The following RPTOR variants were observed in gnomAD, a reference collection of about 807,000 sequenced individuals.
RPTOR encodes the protein regulatory-associated protein of mTOR.
In RPTOR, 21 loss-of-function variants were observed where a neutral mutation model predicts 169.9. That is an observed-to-expected ratio of 0.12 (90% CI 0.09 to 0.18). The LOEUF is 0.18. RPTOR is among the 10% of genes least tolerant of loss of function. The pLI is 1.00. For synonymous variants in RPTOR, 732 were observed against 753.2 expected (o/e 0.97, Z 0.46); for missense variants, 1,133 against 1,855.9 (o/e 0.61, Z 7.16).
chr17:80,944,793 C>T (rs1478265108), intron 25 of RPTOR, among the ~76,000 whole-genome samples: 2 of 152,144 alleles, frequency 1.3e-5, no homozygotes, highest in Non-Finnish European at 2.9e-5. Context: ...GAGTTTGAGA[C>T]CAGCCTGGCC....
intron 1 of RPTOR, among the ~76,000 whole-genome samples, chr17:80,581,048 C>G (rs2065009215): frequency 6.6e-6 from 1 of 152,130 alleles, no homozygotes; most frequent in African/African-American, 2.4e-5. Context: ...GTGATTGAAC[C>G]TTTCCTATTC....
intron 5 of RPTOR, among the ~76,000 whole-genome samples, chr17:80,739,187 C>CA (rs531050067): frequency 4.0e-5 from 6 of 151,286 alleles, no homozygotes; most frequent in African/African-American, 1.2e-4. Flanking sequence ...CGCCCCGACG[C>CA]GGAGGCAGAT....
intron 3 of RPTOR, among the ~76,000 whole-genome samples, chr17:80,690,282 T>C (rs2065979707): frequency 6.6e-6 from 1 of 152,044 alleles, no homozygotes; most frequent in Non-Finnish European, 1.5e-5. Context: ...TGTCAATATT[T>C]CTGAAAGAAA....
chr17:80,908,808 C>A lies in RPTOR; in HGVS notation c.2402-3C>A. 1 of 1,607,088 alleles carries A rather than the reference C, an allele frequency of 6.2e-7. No individual in the cohort carries two copies. Among genetic ancestry groups the A allele is most frequent in the Non-Finnish European group, 8.5e-7 (1 of 1,173,658 alleles). ...TAAAACATCTTCCATTTCTCTCTCT[C>A]AGGAGTTTCCTTTAACAGTGTTTAC... On this transcript the variant is annotated splice_region_variant and splice_polypyrimidine_tract_variant and intron_variant, in intron 20 of 33. Transcript: ENST00000306801.
intron 3 of RPTOR, among the ~76,000 whole-genome samples, chr17:80,697,847 G>A (rs1439382860): frequency 1.3e-5 from 2 of 152,276 alleles, no homozygotes; most frequent in East Asian, 3.9e-4. Context: ...CTTGGAGAGG[G>A]GTCATTTTGG....
At chr17:80,800,763 G>A (rs1467693963) in intron 7 of RPTOR, among the ~76,000 whole-genome samples, 2 of 152,212 alleles carry the variant, frequency 1.3e-5, no homozygotes, top group African/African-American at 4.8e-5. Flanking sequence ...AAATATTAGG[G>A]TTTTCAGAAA....
At chr17:80,634,857 CGTGTGT>C (rs67330071) in intron 2 of RPTOR, among the ~76,000 whole-genome samples, 1 of 114,532 alleles carries the variant, frequency 8.7e-6, no homozygotes, top group African/African-American at 3.4e-5. Flanking sequence ...GTGTGCATAC[CGTGTGT>C]GTGTGCATAC....
chr17:80,888,617 A>T (rs1230901047), intron 17 of RPTOR, among the ~76,000 whole-genome samples: 3 of 152,198 alleles, frequency 2.0e-5, no homozygotes, highest in African/African-American at 7.2e-5. Flanking sequence ...GGGGCAGGAC[A>T]TGTGTCCAAG....
chr17:80,550,018 G>C (rs1383800951), intron 1 of RPTOR, among the ~76,000 whole-genome samples: 1 of 152,230 alleles, frequency 6.6e-6, no homozygotes. Flanking sequence ...CCAGGTCATG[G>C]AGGAAGCAGA....
intron 1 of RPTOR, among the ~76,000 whole-genome samples, chr17:80,574,018 G>A (rs1009536038): frequency 4.6e-5 from 7 of 152,186 alleles, no homozygotes; most frequent in Non-Finnish European, 7.3e-5. Flanking sequence ...CCGAGAGTTC[G>A]TGTCCAGGTT....
intron 7 of RPTOR, among the ~76,000 whole-genome samples, chr17:80,814,394 G>A (rs1340929043): frequency 6.6e-6 from 1 of 152,080 alleles, no homozygotes; most frequent in Non-Finnish European, 1.5e-5. Context: ...GTGTATTCTT[G>A]GGTATTTTTT....
intron 11 of RPTOR, among the ~76,000 whole-genome samples, chr17:80,848,789 A>G (rs2589153): frequency 0.9 from 137,623 of 152,348 alleles, 62,302 homozygotes; most frequent in African/African-American, 0.95. Context: ...TTTTGGGTCC[A>G]GCAAATAATC....
Position 80,961,463 on chromosome 17 carries a change from C to A in RPTOR, c.3675C>A (p.Gly1225=). The change falls in exon 31 of 34, where the codon GGC becomes GGA. Residue 1225 remains glycine (G), a synonymous_variant. Coordinates refer to ENST00000306801, the MANE Select transcript of RPTOR (RefSeq NM_020761.3). The stretch of plus-strand genomic sequence containing the variant: ...CCTCCCTGCAGAAGCGTCCCGACGG[C>A]CACATCGTGAGTGTGAGGTGAGGAG... ...VKASLQKRPD[G]HIVSVSVNGD... is the part of the protein sequence containing the mutation. 1 of 1,550,946 alleles carries A rather than the reference C, an allele frequency of 6.4e-7. No individual in the cohort carries two copies. Among genetic ancestry groups the A allele is most frequent in the Non-Finnish European group, 8.7e-7 (1 of 1,147,418 alleles).
At chr17:80,736,137 C>A (rs750361300) in intron 5 of RPTOR, among the ~76,000 whole-genome samples, 3 of 151,982 alleles carry the variant, frequency 2.0e-5, no homozygotes, top group Admixed American at 6.6e-5. Flanking sequence ...TGCCACTGCA[C>A]CTCAGCCTAG....
intron 3 of RPTOR, among the ~76,000 whole-genome samples, chr17:80,692,158 C>G (rs1020020794): frequency 6.6e-6 from 1 of 152,212 alleles, no homozygotes; most frequent in African/African-American, 2.4e-5. Flanking sequence ...GTGGCCCAGG[C>G]TGGAGTACAG....
intron 21 of RPTOR, among the ~76,000 whole-genome samples, chr17:80,913,445 G>A (rs1317046736): frequency 1.3e-5 from 2 of 152,028 alleles, no homozygotes; most frequent in Middle Eastern, 3.4e-3. Context: ...TTTAGTTTTG[G>A]GGGTGTTGTT....
At chr17:80,873,120 A>T (rs1254439844) in intron 13 of RPTOR, among the ~76,000 whole-genome samples, 1 of 152,106 alleles carries the variant, frequency 6.6e-6, no homozygotes, top group Admixed American at 6.5e-5. Context: ...CACAGTTTTG[A>T]CCTGAGGTCA....
At chr17:80,551,100 G>C (rs1339388524) in intron 1 of RPTOR, among the ~76,000 whole-genome samples, 1 of 152,064 alleles carries the variant, frequency 6.6e-6, no homozygotes, top group Non-Finnish European at 1.5e-5. Flanking sequence ...TGTTGGCCAG[G>C]CTGGTCTTGA....
intron 8 of RPTOR, among the ~76,000 whole-genome samples, chr17:80,822,795 C>CGTGT (rs10672537): frequency 0.66 from 100,509 of 151,568 alleles, 34,571 homozygotes; most frequent in African/African-American, 0.84. Flanking sequence ...TATGTGTGTG[C>CGTGT]GTGTATTTGT....
Sources: gnomAD v4.1 joint callset for allele counts (sites outside exome capture counted in the v4.1 genomes callset) on GRCh38, gnomAD v4.1.1 for gene constraint, MANE v1.5 for transcripts, NCBI Gene and HGNC (gene_info 2026-07-23, HGNC 2026-07-21) for gene names.